TFDP2: variants seen among roughly 807,000 people sequenced by gnomAD.
The protein encoded by TFDP2 is transcription factor Dp-2.
In TFDP2, 17 loss-of-function variants were observed where a neutral mutation model predicts 59.3. That is an observed-to-expected ratio of 0.29 (90% confidence interval 0.20 to 0.43). The LOEUF (loss-of-function observed/expected upper bound fraction) is 0.43. TFDP2 is among the 20% of genes least tolerant of loss of function. The pLI is 1.00. For synonymous variants in TFDP2, 180 were observed against 194.7 expected, an observed-to-expected ratio of 0.92 and a Z score of 0.63; for missense variants, 391 against 528.8, an observed-to-expected ratio of 0.74 and a Z score of 2.56.
At chr3:142,001,527 A>C (rs1943767578) in intron 4 of TFDP2, among the ~76,000 whole-genome samples, 2 of 152,280 alleles carry the variant, frequency 1.3e-5, no homozygotes, top group South Asian at 2.1e-4. Context: ...TTGATGAACA[A>C]CACCAAGCTT....
intron 3 of TFDP2, among the ~76,000 whole-genome samples, chr3:142,054,443 T>C (rs375110691): frequency 8.5e-5 from 13 of 152,214 alleles, no homozygotes; most frequent in African/African-American, 3.1e-4. Context: ...AATTATGACT[T>C]TAGTAGCTGG....
At chr3:142,030,741 CTT>C (rs56836983) in intron 3 of TFDP2, among the ~76,000 whole-genome samples, 1 of 121,820 alleles carries the variant, frequency 8.2e-6, no homozygotes, top group Admixed American at 9.2e-5. Context: ...CCCGTGTTCT[CTT>C]TTTTTTTTTT....
At chr3:142,120,490 T>C (rs1480159670) in intron 1 of TFDP2, among the ~76,000 whole-genome samples, 4 of 152,224 alleles carry the variant, frequency 2.6e-5, no homozygotes. Context: ...CAATCATTAG[T>C]AATAAGCATG....
Position 142,036,251 on chromosome 3 carries a change from A to G in TFDP2, c.83-30707T>C, listed in dbSNP as rs183740915. On this transcript the variant is annotated intron_variant, in intron 3 of 12. Transcript: ENST00000489671. ...TGTTTTTCTAGGCTCATCTCCCACA[A>G]TTCCAGGTGCATGACTTATTTACCA... is the stretch of plus-strand genomic sequence containing the variant. Among the ~76,000 whole-genome samples the G allele has an allele frequency of 4.6e-5, 7 of 152,282 alleles. No homozygotes were observed. The East Asian group carries it at 5.8e-4, about 13-fold the overall frequency.
intron 10 of TFDP2, 35 bp from the exon 11 acceptor site, chr3:141,959,875 G>C (rs1431287251): frequency 6.2e-7 from 1 of 1,608,448 alleles, no homozygotes; most frequent in African/African-American, 1.3e-5. Context: ...GTTTTTGGTG[G>C]TGCTGGAGAG....
intron 3 of TFDP2, among the ~76,000 whole-genome samples, chr3:142,011,590 TAAAAAAAA>T (rs386398107): frequency 1.6e-5 from 1 of 63,894 alleles, no homozygotes; most frequent in East Asian, 4.8e-4. Context: ...TAAAGTATAA[TAAAAAAAA>T]AAAGAAAAAA....
chr3:142,067,409 A>T (rs953395192), intron 3 of TFDP2, among the ~76,000 whole-genome samples: 6 of 149,436 alleles, frequency 4.0e-5, no homozygotes, highest in Non-Finnish European at 7.4e-5. Flanking sequence ...AAATCCAATA[A>T]ATATATATAT....
chr3:142,023,618 A>C (rs1945842413), intron 3 of TFDP2, among the ~76,000 whole-genome samples: 1 of 152,234 alleles, frequency 6.6e-6, no homozygotes, highest in Non-Finnish European at 1.5e-5. Flanking sequence ...GTTGTTTTAT[A>C]ATACCATGCA....
intron 1 of TFDP2, among the ~76,000 whole-genome samples, chr3:142,110,941 A>T (rs115867439): frequency 0.074 from 7,562 of 102,736 alleles, 619 homozygotes; most frequent in African/African-American, 0.25. Flanking sequence ...CAACAGAGTG[A>T]AACTCTGCCT....
chr3:141,965,454 G>C (rs927597121), intron 9 of TFDP2, among the ~76,000 whole-genome samples: 1 of 149,238 alleles, frequency 6.7e-6, no homozygotes, highest in Non-Finnish European at 1.5e-5. Context: ...CTATGACTGT[G>C]CCACTACATT....
At chr3:141,956,771 A>G (rs1936721578) in intron 11 of TFDP2, among the ~76,000 whole-genome samples, 2 of 152,032 alleles carry the variant, frequency 1.3e-5, no homozygotes, top group Admixed American at 6.6e-5. Flanking sequence ...AAAAAAAAAA[A>G]AGATTTAACC....
chr3:142,069,215 CT>C (rs1039604398), intron 3 of TFDP2, among the ~76,000 whole-genome samples: 1 of 152,066 alleles, frequency 6.6e-6, no homozygotes, highest in African/African-American at 2.4e-5. Context: ...CGCGCGGTTT[CT>C]TTTGTTAATT....
intron 3 of TFDP2, among the ~76,000 whole-genome samples, chr3:142,050,951 T>G (rs1298229676): frequency 2.0e-5 from 3 of 152,204 alleles, no homozygotes; most frequent in Non-Finnish European, 4.4e-5. Context: ...TCAGCAGATA[T>G]TTTTTGTAGA....
chr3:142,007,255 C>A (rs994034070), intron 3 of TFDP2, among the ~76,000 whole-genome samples: 1 of 152,164 alleles, frequency 6.6e-6, no homozygotes, highest in African/African-American at 2.4e-5. Flanking sequence ...AAATCAAATT[C>A]TATTTCTTGT....
intron 4 of TFDP2, among the ~76,000 whole-genome samples, chr3:142,003,318 A>G (rs1340802592): frequency 6.6e-6 from 1 of 151,536 alleles, no homozygotes; most frequent in Non-Finnish European, 1.5e-5. Flanking sequence ...TTTTTAGTAG[A>G]GATGGGTTTC....
rs150191373 is a variant in TFDP2, at chr3:141,966,013, A to AG, written c.733-2051dup. On this transcript the variant is annotated intron_variant, in intron 9 of 12. Coordinates refer to ENST00000489671, the MANE Select transcript of TFDP2 (RefSeq NM_001178139.2). ...TTTGCCTAACTTGGTGTCTGTCCCT[A>AG]GTGCCACAAGAGGACCCTGGTATAT... Among the ~76,000 whole-genome samples, 1,051 of 152,066 alleles carry AG rather than the reference A, an allele frequency of 6.9e-3. 6 individuals carry two copies. Among genetic ancestry groups the AG allele is most frequent in the Non-Finnish European group, 0.012 (814 of 68,022 alleles).
At chr3:142,042,582 GC>G (rs1290960874) in intron 3 of TFDP2, among the ~76,000 whole-genome samples, 2 of 150,674 alleles carry the variant, frequency 1.3e-5, no homozygotes, top group Non-Finnish European at 2.9e-5. Context: ...ACAGGTGTGA[GC>G]CACTGTGCCT....
In TFDP2 at chr3:141,973,652, C is replaced by T. The variant is rs546347937; in HGVS notation, c.663+396G>A. ...CAGCTATATTCAGAATATTGTGTAA[C>T]CAATAAAGGAAATAAACAGCCGGCT... is the stretch of plus-strand genomic sequence containing the variant. On this transcript the variant is annotated intron_variant, in intron 8 of 12. Transcript: ENST00000489671. Among the ~76,000 whole-genome samples, 4 of 149,130 alleles carry T rather than the reference C, an allele frequency of 2.7e-5. No homozygotes were observed. The East Asian group carries it at 7.8e-4, about 29-fold the overall frequency.
At chr3:141,956,284 T>C (rs1411599328) in intron 11 of TFDP2, among the ~76,000 whole-genome samples, 2 of 152,150 alleles carry the variant, frequency 1.3e-5, no homozygotes, top group Admixed American at 1.3e-4. Context: ...GTAACTCTAC[T>C]TAAAAATGAG....
Sources: allele counts gnomAD v4.1 joint callset (sites outside exome capture counted in the v4.1 genomes callset), GRCh38; gene constraint gnomAD v4.1.1; transcripts MANE v1.5; gene names NCBI Gene and HGNC (gene_info 2026-07-23, HGNC 2026-07-21).